Variants in DDR1 observed in about 807,000 individuals in gnomAD.
The protein encoded by DDR1 is epithelial discoidin domain-containing receptor 1.
A neutral mutation model predicts 97.4 loss-of-function variants in DDR1; 64 were observed. The ratio of observed to expected loss-of-function variants is 0.66; its 90% CI spans 0.54 to 0.81. The LOEUF (loss-of-function observed/expected upper bound fraction) is 0.81, where lower values mean the gene tolerates loss of function less well. Among genes scored for constraint, DDR1 ranks in the 30% least tolerant of loss-of-function variants. The probability of loss-of-function intolerance (pLI) is 0.00; values close to 1 mark genes in which losing one functional copy is unlikely to be tolerated. For missense variants in DDR1, 990 were observed against 1,259.6 expected (o/e 0.79, Z 3.24); for synonymous variants, 458 against 503.7 (o/e 0.91, Z 1.21).
In DDR1 at chr6:30,889,120, G is replaced by A. The variant is rs1428035471; in HGVS notation, c.189-82G>A. 6.3e-7 allele frequency: 1 copy of A among 1,583,846 alleles called. No individual in the cohort carries two copies. The highest frequency in any genetic ancestry group is 8.7e-7 in the Non-Finnish European group (1 of 1,154,906). ...CCAGTGAAACCCCTGCAGGCTGAGG[G>A]GGCAAATGAAGTGGGGTTTAAATAC... On this transcript the variant is annotated intron_variant, in intron 3 of 17. Coordinates refer to ENST00000376568, the MANE Select transcript of DDR1 (RefSeq NM_001297654.2). This position sits in a 1 kb window ranked among gnomAD's most constrained non-coding sequence, Gnocchi z 4.9.
rs562433542 is a variant in DDR1 at position 30,894,911 on chromosome 6, C to T, written c.1513+240C>T. Among the ~76,000 whole-genome samples the T allele has an allele frequency of 2.6e-5, 4 of 152,294 alleles. No homozygotes were observed. The South Asian group carries it at 8.3e-4, about 32-fold the overall frequency. ...TTGTCTGTGTCCCACAGACATCTCT[C>T]TATCTTTGTTGTACCCTCTCATTGT... On this transcript the variant is annotated intron_variant, in intron 11 of 17. Coordinates refer to ENST00000376568, the MANE Select transcript of DDR1 (RefSeq NM_001297654.2). The surrounding 1 kb of genome is among the most constrained non-coding windows in gnomAD (Gnocchi z 5.7).
At position 30,886,119 on chromosome 6, in the gene DDR1, C is replaced by CT. The variant is rs1785725128; in HGVS notation, c.-43+1410dup. On this transcript the variant is annotated intron_variant, in intron 1 of 17. Coordinates refer to ENST00000376568, the MANE Select transcript of DDR1 (RefSeq NM_001297654.2). This position sits in a 1 kb window ranked among gnomAD's most constrained non-coding sequence, Gnocchi z 4.6. ...CTTCTCCGTGTTCCTCTGCTTGGCT[C>CT]TGTGCCCCGTGTTTCTGAGCCTGCT... Among the ~76,000 whole-genome samples the CT allele has an allele frequency of 6.6e-6, 1 of 152,262 alleles. No homozygotes were observed. Among genetic ancestry groups the CT allele is most frequent in the African/African-American group, 2.4e-5 (1 of 41,546 alleles).
chr6:30,899,901 A>C lies in DDR1; in HGVS notation c.*605A>C. ...CCCCACTTCCCACTTGCAGTCTTGT[A>C]GCTAGAACTTCTCTAAGCCTATACG... is the stretch of plus-strand genomic sequence containing the variant. On this transcript the variant is annotated 3_prime_UTR_variant, in exon 18 of 18. Coordinates refer to ENST00000376568, the MANE Select transcript of DDR1 (RefSeq NM_001297654.2). The C allele has an allele frequency of 2.1e-6, 1 of 483,418 alleles. No individual in the cohort carries two copies. Among genetic ancestry groups the C allele is most frequent in the Non-Finnish European group, 4.0e-6 (1 of 252,772 alleles). 29.9% of individuals were successfully genotyped at this position (483,418 alleles called of 1,614,324 possible). A position where few individuals can be genotyped will look rare whatever the true frequency, so the allele number is the denominator to read the frequency against.
rs41288940 is a variant in DDR1, at chr6:30,891,526, A to ACT, written c.665+48_665+49dup. ...TATGGAGTTTGGGGTGGGAGGGAGG[A>ACT]CTGTGTGTGTGTGTGTGTGTGTGTG... On this transcript the variant is annotated intron_variant, in intron 6 of 17. Coordinates refer to ENST00000376568, the MANE Select transcript of DDR1 (RefSeq NM_001297654.2). The surrounding 1 kb of genome is among the most constrained non-coding windows in gnomAD (Gnocchi z 5.3). 220,960 of 932,524 alleles carry ACT rather than the reference A, an allele frequency of 0.24. 36,020 individuals are homozygous for ACT. Among genetic ancestry groups the ACT allele is most frequent in the East Asian group, 0.58 (22,660 of 39,136 alleles). The allele number at this position is 932,524 out of a possible 1,614,324, so 57.8% of individuals were successfully genotyped here. A position where few individuals can be genotyped will look rare whatever the true frequency, so the allele number is the denominator to read the frequency against.
chr6:30,898,029 C>A, intron 15 of DDR1, 44 bp from the exon 16 acceptor site: 1 of 1,482,002 alleles, frequency 6.7e-7, no homozygotes, highest in Non-Finnish European at 9.4e-7. Flanking sequence ...GGATGGGAAT[C>A]TGCGAAGCTG....
In DDR1 at chr6:30,891,920, C is replaced by T. The variant is rs1023690174; in HGVS notation, c.666-82C>T. On this transcript the variant is annotated intron_variant, in intron 6 of 17. Transcript: ENST00000376568. This position sits in a 1 kb window ranked among gnomAD's most constrained non-coding sequence, Gnocchi z 5.3. Reference sequence around the variant, plus strand: ...AGCCAGGCTGGCCATGCCACTGTGCCGGAGGGTGGCGGAGCAGAATGCCTG... The same window carrying T: ...AGCCAGGCTGGCCATGCCACTGTGCTGGAGGGTGGCGGAGCAGAATGCCTG... The T allele has an allele frequency of 4.4e-5, 66 of 1,495,880 alleles. No individual in the cohort carries two copies. The highest frequency in any genetic ancestry group is 4.0e-4 in the African/African-American group (29 of 72,680). 92.7% of individuals were successfully genotyped at this position (1,495,880 alleles called of 1,614,324 possible).
intron 12 of DDR1, among the ~76,000 whole-genome samples, chr6:30,896,407 C>G (rs1055574434): frequency 2.0e-5 from 3 of 151,958 alleles, no homozygotes; most frequent in African/African-American, 7.3e-5. Flanking sequence ...ATATTCATTG[C>G]CTTGAAAAGC....
At position 30,889,375 on chromosome 6, in the gene DDR1, GT is replaced by G; in HGVS notation, c.364del (p.Tyr122ThrfsTer19). 6.2e-7 allele frequency: 1 copy of G among 1,604,560 alleles called. No homozygotes were observed. The highest frequency in any genetic ancestry group is 8.5e-7 in the Non-Finnish European group (1 of 1,175,718). The stretch of plus-strand genomic sequence containing the variant: ...GAGTTCTCCCGGAGCTACCGGCTGC[GT>G]TACTCCCGGGATGGTCGCCGCTGGA... ...GKEFSRSYRL[R>X]YSRDGRRWMG... is the part of the protein sequence containing the mutation. On this transcript the variant is annotated frameshift_variant, in exon 4 of 18. Coordinates refer to ENST00000376568, the MANE Select transcript of DDR1 (RefSeq NM_001297654.2). LOFTEE classifies it high-confidence loss of function. The surrounding 1 kb of genome is among the most constrained non-coding windows in gnomAD (Gnocchi z 4.9).
Position 30,894,411 on chromosome 6 carries a change from G to A in DDR1, c.1348-95G>A, listed in dbSNP as rs1008737564. 7.8e-7 allele frequency: 1 copy of A among 1,277,568 alleles called. No homozygotes were observed. Among genetic ancestry groups the A allele is most frequent in the Non-Finnish European group, 1.1e-6 (1 of 940,474 alleles). 79.1% of individuals were successfully genotyped at this position (1,277,568 alleles called of 1,614,324 possible). The stretch of plus-strand genomic sequence containing the variant: ...GTATCCACAGCTGTAGGGCTCTTGT[G>A]AGGGCTGAGGGAGGGAACGCAGGGA... On this transcript the variant is annotated intron_variant, in intron 10 of 17. Transcript: ENST00000376568. The surrounding 1 kb of genome is among the most constrained non-coding windows in gnomAD (Gnocchi z 5.7).
In DDR1 at chr6:30,894,012, G is replaced by A. The variant is rs147082103; in HGVS notation, c.1348-494G>A. 4.9e-3 allele frequency among the ~76,000 whole-genome samples: 747 copies of A among 152,268 alleles called. 9 individuals are homozygous for A. The highest frequency in any genetic ancestry group is 0.017 in the African/African-American group (701 of 41,564). On this transcript the variant is annotated intron_variant, in intron 10 of 17. Coordinates refer to ENST00000376568, the MANE Select transcript of DDR1 (RefSeq NM_001297654.2). The surrounding 1 kb of genome is among the most constrained non-coding windows in gnomAD (Gnocchi z 5.7). ...TGCCTGTAATCCTAGCACTTTGGGA[G>A]GCCGAGGCGGGAGGATCACCTGAGG...
rs779264306 is a variant in DDR1 at position 30,892,172 on chromosome 6, C to T, written c.836C>T (p.Ala279Val). ...GAGTTTGAGTTTGACCGGCTGAGGG[C>T]CTTCCAGGCTATGCAGGTGAGTGAG... ...EMEFEFDRLR[A>V]FQAMQVHCNN... Residue 279 changes from alanine to valine, a missense_variant, in exon 7 of 18, where the codon GCC (alanine) becomes GTC (valine). Transcript: ENST00000376568. The T allele has an allele frequency of 1.2e-6, 2 of 1,614,046 alleles. No homozygotes were observed. Among genetic ancestry groups the T allele is most frequent in the Non-Finnish European group, 1.7e-6 (2 of 1,180,014 alleles).
chr6:30,889,091 C>T lies in DDR1; in HGVS notation c.188+81C>T. The T allele has an allele frequency of 6.3e-7, 1 of 1,581,560 alleles. No homozygotes were observed. Among genetic ancestry groups the T allele is most frequent in the Non-Finnish European group, 8.7e-7 (1 of 1,152,626 alleles). ...CTACTTCCCCTCCAACCCCTCTGCC[C>T]ATGCCAGTGAAACCCCTGCAGGCTG... On this transcript the variant is annotated intron_variant, in intron 3 of 17. Coordinates refer to ENST00000376568, the MANE Select transcript of DDR1 (RefSeq NM_001297654.2). The surrounding 1 kb of genome is among the most constrained non-coding windows in gnomAD (Gnocchi z 4.9).
chr6:30,893,534 T>C (rs1049331879), intron 10 of DDR1, 111 bp downstream of exon 10: 2 of 1,462,344 alleles, frequency 1.4e-6, no homozygotes, highest in African/African-American at 2.8e-5. Flanking sequence ...AGAGGAGGGC[T>C]TAGTAAAGAG....
Position 30,891,855 on chromosome 6 carries a change from A to C in DDR1, c.666-147A>C. 1.2e-6 allele frequency: 1 copy of C among 852,506 alleles called. No homozygotes were observed. Among genetic ancestry groups the C allele is most frequent in the Non-Finnish European group, 1.9e-6 (1 of 525,676 alleles). 52.8% of individuals were successfully genotyped at this position (852,506 alleles called of 1,614,324 possible). A position where few individuals can be genotyped will look rare whatever the true frequency, so the allele number is the denominator to read the frequency against. ...TGGAGAGAGGAGAAGGGCCAGCTGC[A>C]TGAGTGTGAGGTGGGATGGGAATGG... On this transcript the variant is annotated intron_variant, in intron 6 of 17. Coordinates refer to ENST00000376568, the MANE Select transcript of DDR1 (RefSeq NM_001297654.2). The surrounding 1 kb of genome is among the most constrained non-coding windows in gnomAD (Gnocchi z 5.3).
rs770421290 is a variant in DDR1 at position 30,889,004 on chromosome 6, A to G, written c.182A>G (p.His61Arg). The part of the protein sequence containing the change: ...SSWSDSTAAR[H>R]SRLESSDGDG... ...TGGTCAGATTCCACTGCCGCCCGCCACAGCAGGTACTTGGCACACCTGGCA... is the reference window on the plus strand; with the variant it reads ...TGGTCAGATTCCACTGCCGCCCGCCGCAGCAGGTACTTGGCACACCTGGCA... Residue 61 changes from histidine (H) to arginine (R), a missense_variant, in exon 3 of 18, where the codon CAC becomes CGC. By Grantham distance (29) the His-to-Arg change is conservative (BLOSUM62 0). Transcript: ENST00000376568. This position sits in a 1 kb window ranked among gnomAD's most constrained non-coding sequence, Gnocchi z 4.9. 76 of 1,612,814 alleles carry G rather than the reference A, an allele frequency of 4.7e-5. No individual in the cohort carries two copies. The highest frequency in any genetic ancestry group is 6.2e-5 in the Non-Finnish European group (73 of 1,179,988).
intron 12 of DDR1, 139 bp downstream of exon 12, chr6:30,895,653 G>A: frequency 1.8e-6 from 1 of 552,572 alleles, no homozygotes; most frequent in Non-Finnish European, 3.1e-6. Context: ...GGAAGCTCTT[G>A]TGCCCTTAGC....
In DDR1 at chr6:30,894,502, C is replaced by T; in HGVS notation, c.1348-4C>T. 2 of 1,603,254 alleles carry T rather than the reference C, an allele frequency of 1.2e-6. No individual in the cohort carries two copies. The highest frequency in any genetic ancestry group is 1.3e-5 in the African/African-American group (1 of 74,734). On this transcript the variant is annotated splice_polypyrimidine_tract_variant and splice_region_variant and intron_variant, in intron 10 of 17. Coordinates refer to ENST00000376568, the MANE Select transcript of DDR1 (RefSeq NM_001297654.2). The surrounding 1 kb of genome is among the most constrained non-coding windows in gnomAD (Gnocchi z 5.7). ...CGGGTGATGCCTCCCATCCCTATGA[C>T]AAGGCTGAACGGAGGGTGTTGGAAG... is the stretch of plus-strand genomic sequence containing the variant.
rs1787223667 is a variant in DDR1 at position 30,889,522 on chromosome 6, GT to G, written c.417+95del. 7.7e-6 allele frequency: 7 copies of G among 913,920 alleles called. No homozygotes were observed. The highest frequency in any genetic ancestry group is 1.1e-5 in the Non-Finnish European group (7 of 631,274). The allele number at this position is 913,920 out of a possible 1,614,324, so 56.6% of individuals were successfully genotyped here. On this transcript the variant is annotated intron_variant, in intron 4 of 17. Transcript: ENST00000376568. This position sits in a 1 kb window ranked among gnomAD's most constrained non-coding sequence, Gnocchi z 4.9. ...CCACCTATACGCTGACGACTCTCCA[GT>G]TTATATCATCTCCAGACTAAGCCTC...
chr6:30,897,464 G>A lies in DDR1; in HGVS notation c.2083G>A (p.Asp695Asn), dbSNP rs201560945. Residue 695 changes from aspartate (D) to asparagine (N), a missense_variant, in exon 15 of 18, where the codon GAC (aspartate) becomes AAC (asparagine). Physicochemically the swap from Asp to Asn is conservative, Grantham distance 23. Coordinates refer to ENST00000376568, the MANE Select transcript of DDR1 (RefSeq NM_001297654.2). This position sits in a 1 kb window ranked among gnomAD's most constrained non-coding sequence, Gnocchi z 5.2. ...IRLLGVCVQD[D>N]PLCMITDYME... ...GCTGCTGGGCGTGTGTGTGCAGGAC[G>A]ACCCCCTCTGCATGATTACTGACTA... 23 of 1,614,098 alleles carry A rather than the reference G, an allele frequency of 1.4e-5. No individual in the cohort carries two copies. The highest frequency in any genetic ancestry group is 3.3e-5 in the Admixed American group (2 of 60,016).
Sources: allele counts gnomAD v4.1 joint callset (sites outside exome capture counted in the v4.1 genomes callset), GRCh38; gene constraint gnomAD v4.1.1; non-coding constraint Gnocchi (gnomAD v3.1); transcripts MANE v1.5; gene names NCBI Gene and HGNC (gene_info 2026-07-23, HGNC 2026-07-21).